Variants in ZNF345 observed in about 807,000 individuals in gnomAD.
ZNF345 encodes the protein zinc finger protein HZF10.
For missense variants in ZNF345, 527 were observed against 589.9 expected (o/e 0.89, Z 1.10); for synonymous variants, 166 against 187.9 (o/e 0.88, Z 0.95).
At position 36,877,146 on chromosome 19, in the gene ZNF345, G is replaced by A. The variant is rs1311275098; in HGVS notation, c.316G>A (p.Ala106Thr). The A allele has an allele frequency of 1.9e-6, 3 of 1,613,544 alleles. No homozygotes were observed. The highest frequency in any genetic ancestry group is 2.5e-6 in the Non-Finnish European group (3 of 1,179,874). Residue 106 changes from alanine (A) to threonine (T), a missense_variant, in exon 3 of 3, where the codon GCT becomes ACT. By Grantham distance (58) the Ala-to-Thr change is moderately conservative. Transcript: ENST00000420450. ...GKAFGSGANL[A>T]YHQRIHTGEK... ...GGCCTTTGGTAGTGGTGCAAACCTT[G>A]CTTACCATCAAAGAATTCATACTGG... is the stretch of plus-strand genomic sequence containing the variant.
chr19:36,885,540 A>G (rs1225764347), intron 3 of ZNF345, among the ~76,000 whole-genome samples: 1 of 151,768 alleles, frequency 6.6e-6, no homozygotes, highest in Non-Finnish European at 1.5e-5. Flanking sequence ...TTTTCTATAT[A>G]TGGTTAGAAC....
At chr19:36,861,814 C>T (rs1253881282) in intron 2 of ZNF345, among the ~76,000 whole-genome samples, 1 of 151,700 alleles carries the variant, frequency 6.6e-6, no homozygotes, top group African/African-American at 2.4e-5. Context: ...CCAGCCTCAG[C>T]CTCCCAAAGT....
intron 2 of ZNF345, among the ~76,000 whole-genome samples, chr19:36,870,791 T>G (rs970862108): frequency 5.3e-5 from 8 of 152,138 alleles, no homozygotes; most frequent in Non-Finnish European, 1.0e-4. Context: ...CTAATAAAAA[T>G]ATATGTAAAT....
chr19:36,865,742 A>G (rs535540330), intron 2 of ZNF345, among the ~76,000 whole-genome samples: 2 of 152,336 alleles, frequency 1.3e-5, no homozygotes, highest in South Asian at 2.1e-4. Flanking sequence ...TAGTACTTAC[A>G]TGTTTTATTT....
At chr19:36,869,133 TGCCC>T (rs773739928) in intron 2 of ZNF345, among the ~76,000 whole-genome samples, 1 of 152,176 alleles carries the variant, frequency 6.6e-6, no homozygotes, top group Non-Finnish European at 1.5e-5. Context: ...CCAGTAAATC[TGCCC>T]TTACTTTAGG....
intron 2 of ZNF345, among the ~76,000 whole-genome samples, chr19:36,867,887 GT>G (rs1396208380): frequency 2.6e-5 from 4 of 151,838 alleles, no homozygotes; most frequent in Non-Finnish European, 4.4e-5. Context: ...TAGCTTTGTA[GT>G]AGTAAGTTTT....
intron 3 of ZNF345, among the ~76,000 whole-genome samples, chr19:36,886,907 T>G (rs1600723584): frequency 7.6e-6 from 1 of 131,144 alleles, no homozygotes; most frequent in Non-Finnish European, 1.6e-5. Flanking sequence ...GGCAGGAGAA[T>G]GGCATGAACC....
chr19:36,872,962 CTT>C (rs1442717278), intron 2 of ZNF345, among the ~76,000 whole-genome samples: 1 of 152,116 alleles, frequency 6.6e-6, no homozygotes, highest in Non-Finnish European at 1.5e-5. Context: ...TTCTAGCACA[CTT>C]TGTAGATTCT....
intron 3 of ZNF345, chr19:36,889,532 T>A (rs1488429319): frequency 6.6e-6 from 1 of 152,192 alleles, no homozygotes; most frequent in African/African-American, 2.4e-5. Context: ...AGGTTATGTG[T>A]TTCTAGGAAT....
intron 2 of ZNF345, among the ~76,000 whole-genome samples, chr19:36,861,362 C>T (rs2072542947): frequency 6.6e-6 from 1 of 152,200 alleles, no homozygotes; most frequent in Non-Finnish European, 1.5e-5. Context: ...ATTCTTGTCA[C>T]AACCTGTTCC....
chr19:36,855,635 A>G (rs1181558636), intron 2 of ZNF345, among the ~76,000 whole-genome samples: 1 of 151,702 alleles, frequency 6.6e-6, no homozygotes, highest in East Asian at 1.9e-4. Flanking sequence ...TATTTTTAGT[A>G]GAGACAGGGA....
intron 2 of ZNF345, among the ~76,000 whole-genome samples, chr19:36,863,524 GT>G (rs2072598512): frequency 6.6e-6 from 1 of 152,152 alleles, no homozygotes; most frequent in African/African-American, 2.4e-5. Flanking sequence ...CAAATTTCAG[GT>G]TCCTATTCTT....
At chr19:36,892,986 G>A (rs560465611) in exon 4 of ZNF345, 29 of 423,550 alleles carry the variant, frequency 6.8e-5, no homozygotes, top group African/African-American at 5.1e-4. Flanking sequence ...TGCACCATGC[G>A]TGAGATATTC....
At chr19:36,886,131 T>TA in intron 3 of ZNF345, among the ~76,000 whole-genome samples, 1 of 152,212 alleles carries the variant, frequency 6.6e-6, no homozygotes, top group Non-Finnish European at 1.5e-5. Context: ...TTCATACTGA[T>TA]ATGACTATAT....
Position 36,877,718 on chromosome 19 carries a change from T to C in ZNF345, c.888T>C (p.Asn296=), listed in dbSNP as rs2072917547. 2 of 1,614,018 alleles carry C rather than the reference T, an allele frequency of 1.2e-6. No homozygotes were observed. The highest frequency in any genetic ancestry group is 1.7e-6 in the Non-Finnish European group (2 of 1,179,984). The change falls in exon 3 of 3, where the codon AAT becomes AAC. Residue 296 remains asparagine, a synonymous_variant. Coordinates refer to ENST00000420450, the MANE Select transcript of ZNF345 (RefSeq NM_001242472.2). ...YVCKECGKAF[N]SGSDLTQHQR... ...GTAAGGAATGTGGGAAGGCTTTTAATAGTGGCTCAGATCTCACTCAGCATC... is the reference window on the plus strand; with the variant it reads ...GTAAGGAATGTGGGAAGGCTTTTAACAGTGGCTCAGATCTCACTCAGCATC...
chr19:36,866,076 T>C (rs1393041559), intron 2 of ZNF345, among the ~76,000 whole-genome samples: 1 of 151,858 alleles, frequency 6.6e-6, no homozygotes, highest in African/African-American at 2.4e-5. Flanking sequence ...TTATTTAGGG[T>C]GTGTGTGTGT....
At position 36,877,135 on chromosome 19, in the gene ZNF345, G is replaced by A. The variant is rs1216568970; in HGVS notation, c.305G>A (p.Gly102Asp). Residue 102 changes from glycine to aspartate, a missense_variant, in exon 3 of 3, where the codon GGT becomes GAT. Transcript: ENST00000420450. ...CKECGKAFGS[G>D]ANLAYHQRIH... The stretch of plus-strand genomic sequence containing the variant: ...GAATGTGGCAAGGCCTTTGGTAGTG[G>A]TGCAAACCTTGCTTACCATCAAAGA... The A allele has an allele frequency of 8.7e-6, 14 of 1,613,952 alleles. No individual in the cohort carries two copies. Among genetic ancestry groups the A allele is most frequent in the African/African-American group, 1.3e-5 (1 of 74,902 alleles).
chr19:36,855,394 C>A (rs552348421), intron 2 of ZNF345, among the ~76,000 whole-genome samples: 1 of 148,904 alleles, frequency 6.7e-6, no homozygotes, highest in Non-Finnish European at 1.5e-5. Flanking sequence ...ATGATCTGCC[C>A]GCCTCGGCCT....
intron 2 of ZNF345, among the ~76,000 whole-genome samples, chr19:36,852,454 C>T (rs1177067780): frequency 6.6e-6 from 1 of 151,798 alleles, no homozygotes; most frequent in East Asian, 1.9e-4. Flanking sequence ...CTACTAAAAA[C>T]ACAAAAATTA....
Sources: allele counts gnomAD v4.1 joint callset (sites outside exome capture counted in the v4.1 genomes callset), GRCh38; gene constraint gnomAD v4.1.1; transcripts MANE v1.5; gene names NCBI Gene and HGNC (gene_info 2026-07-23, HGNC 2026-07-21).